The following SEPTIN12 variants were observed in gnomAD, a reference collection of about 807,000 sequenced individuals.
SEPTIN12 encodes the protein septin-12.
A neutral mutation model predicts 37.7 loss-of-function variants in SEPTIN12; 42 were observed. The observed-to-expected ratio is 1.11, with a 90% CI of 0.87 to 1.44. The LOEUF (loss-of-function observed/expected upper bound fraction) is 1.44, where lower values mean the gene tolerates loss of function less well. Ranked by LOEUF, SEPTIN12 falls within the 40% of genes most tolerant of loss-of-function variation. The pLI, the probability that SEPTIN12 is intolerant of heterozygous loss-of-function variation, is 0.00. For synonymous variants in SEPTIN12, 254 were observed against 196.7 expected, an observed-to-expected ratio of 1.29 and a Z score of -2.44; for missense variants, 613 against 479.2, an observed-to-expected ratio of 1.28 and a Z score of -2.61.
rs200229149 is a variant in SEPTIN12, at chr16:4,784,099, A to G, written c.375-31T>C. On this transcript the variant is annotated intron_variant, in intron 4 of 9. Coordinates refer to ENST00000268231, the MANE Select transcript of SEPTIN12 (RefSeq NM_144605.5). ...GCGGGAGGTGGACCCTCCCCTCAGA[A>G]CTGTGCTGTGCCCAGAGAGCCCCAC... 77 of 1,612,994 alleles carry G rather than the reference A, an allele frequency of 4.8e-5. No homozygotes were observed. The Admixed American group carries it at 5.7e-4, about 12-fold the overall frequency.
intron 4 of SEPTIN12, among the ~76,000 whole-genome samples, chr16:4,784,814 TA>T (rs1175191160): frequency 7.8e-6 from 1 of 128,732 alleles, no homozygotes. Context: ...AATAAATAAA[TA>T]AAATGAAACC....
upstream of SEPTIN12, among the ~76,000 whole-genome samples, chr16:4,789,300 C>A (rs1468547084): frequency 6.6e-6 from 1 of 152,022 alleles, no homozygotes; most frequent in Non-Finnish European, 1.5e-5. Context: ...AGCCACCATG[C>A]CTGGCCTTTT....
In SEPTIN12 at chr16:4,786,278, G is replaced by T. The variant is rs550851276; in HGVS notation, c.167-173C>A. On this transcript the variant is annotated intron_variant, in intron 2 of 9. Coordinates refer to ENST00000268231, the MANE Select transcript of SEPTIN12 (RefSeq NM_144605.5). ...AGCCTCGACCTTCCCAGACTCTAGT[G>T]ATTCTCGCACCTCGGCCTCCCTAGT... 1.5e-4 allele frequency among the ~76,000 whole-genome samples: 23 copies of T among 151,380 alleles called. No individual in the cohort carries two copies. In the East Asian group the frequency reaches 4.3e-3, roughly 28 times the overall value.
intron 9 of SEPTIN12, 29 bp from the exon 10 acceptor site, chr16:4,778,027 T>C (rs371762683): frequency 8.9e-5 from 144 of 1,612,572 alleles, no homozygotes; most frequent in Non-Finnish European, 1.1e-4. Flanking sequence ...TCAGCCCCGA[T>C]GGTGGTGTCC....
intron 7 of SEPTIN12, chr16:4,783,172 C>T: frequency 2.6e-6 from 1 of 385,676 alleles, no homozygotes; most frequent in Admixed American, 3.8e-5. Context: ...GCCTCCCAAA[C>T]TGCTGGGATT....
intron 6 of SEPTIN12, 35 bp downstream of exon 6, chr16:4,783,614 C>CCCT: frequency 6.2e-7 from 1 of 1,612,116 alleles, no homozygotes; most frequent in Non-Finnish European, 8.5e-7. Flanking sequence ...CCTCTGCCCC[C>CCCT]GCTGACCCCA....
At chr16:4,781,046 G>C (rs1034785315) in intron 7 of SEPTIN12, among the ~76,000 whole-genome samples, 1 of 152,042 alleles carries the variant, frequency 6.6e-6, no homozygotes, top group African/African-American at 2.4e-5. Flanking sequence ...GGATCACAAG[G>C]TCAGGAGATC....
At chr16:4,785,714 G>T (rs1392477607) in intron 4 of SEPTIN12, 93 bp downstream of exon 4, 2 of 879,372 alleles carry the variant, frequency 2.3e-6, no homozygotes, top group Non-Finnish European at 1.8e-6. Context: ...GGAGGTGGAG[G>T]TTGCAGTGAG....
Position 4,787,660 on chromosome 16 carries a change from C to G in SEPTIN12, c.-15G>C, listed in dbSNP as rs144370956. 2 of 1,503,302 alleles carry G rather than the reference C, an allele frequency of 1.3e-6. No homozygotes were observed. Among genetic ancestry groups the G allele is most frequent in the East Asian group, 2.3e-5 (1 of 43,732 alleles). The allele number at this position is 1,503,302 out of a possible 1,614,324, so 93.1% of individuals were successfully genotyped here. ...AGGGGGTCCATGGGGGCCAAGGGTT[C>G]GAGATGCCTGTCACCAGGTGGGTGG... On this transcript the variant is annotated 5_prime_UTR_variant, in exon 2 of 10. Transcript: ENST00000268231.
chr16:4,786,909 C>T (rs1182048519), intron 2 of SEPTIN12, among the ~76,000 whole-genome samples: 8 of 151,996 alleles, frequency 5.3e-5, no homozygotes, highest in African/African-American at 1.9e-4. Flanking sequence ...CAGTCTTGCT[C>T]TGTCACCCAG....
At chr16:4,782,949 A>G (rs898464985) in intron 7 of SEPTIN12, among the ~76,000 whole-genome samples, 3 of 149,572 alleles carry the variant, frequency 2.0e-5, no homozygotes, top group African/African-American at 7.4e-5. Context: ...CTTCTTGCCC[A>G]GGCTGGAGTG....
At chr16:4,785,021 C>G (rs150937610) in intron 4 of SEPTIN12, among the ~76,000 whole-genome samples, 2 of 151,366 alleles carry the variant, frequency 1.3e-5, no homozygotes, top group African/African-American at 4.9e-5. Flanking sequence ...CTGAGGTGGG[C>G]GGACCACCCG....
rs945413349 is a variant in SEPTIN12, at chr16:4,777,624, C to T, written c.*173G>A. On this transcript the variant is annotated 3_prime_UTR_variant, in exon 10 of 10. Coordinates refer to ENST00000268231, the MANE Select transcript of SEPTIN12 (RefSeq NM_144605.5). ...GCCTGGGTAACAGAGTGACACCCAG[C>T]CTTTTTATTTGTGGATAGCTCAAAG... The T allele has an allele frequency of 6.8e-6, 4 of 589,816 alleles. No individual in the cohort carries two copies. The African/African-American group carries it at 7.5e-5, about 11-fold the overall frequency. The allele number at this position is 589,816 out of a possible 1,614,324, so 36.5% of individuals were successfully genotyped here.
In SEPTIN12 at chr16:4,779,684, A is replaced by G. The variant is rs763006004; in HGVS notation, c.823+6T>C. 3.8e-6 allele frequency: 6 copies of G among 1,598,378 alleles called. No homozygotes were observed. The highest frequency in any genetic ancestry group is 2.2e-5 in the South Asian group (2 of 90,820). ...CCTGCATCCTACCCAGGGGCCCCGCACTGACCTTCAATGATGCCCCACTTG... is the reference window on the plus strand; with the variant it reads ...CCTGCATCCTACCCAGGGGCCCCGCGCTGACCTTCAATGATGCCCCACTTG... On this transcript the variant is annotated splice_donor_region_variant and intron_variant, in intron 8 of 9. Transcript: ENST00000268231.
At chr16:4,780,068 G>A (rs1022078094) in intron 7 of SEPTIN12, among the ~76,000 whole-genome samples, 2 of 151,754 alleles carry the variant, frequency 1.3e-5, no homozygotes, top group African/African-American at 4.8e-5. Context: ...ATGGTGAAAG[G>A]CCATCTCTGC....
upstream of SEPTIN12, among the ~76,000 whole-genome samples, chr16:4,789,395 G>T (rs1000340856): frequency 4.6e-5 from 7 of 150,760 alleles, no homozygotes; most frequent in African/African-American, 1.5e-4. Context: ...GCATGATCTC[G>T]GCTCACTGTA....
In SEPTIN12 at chr16:4,785,905, G is replaced by C. The variant is rs746645740; in HGVS notation, c.293-17C>G. On this transcript the variant is annotated splice_polypyrimidine_tract_variant and intron_variant, in intron 3 of 9. Coordinates refer to ENST00000268231, the MANE Select transcript of SEPTIN12 (RefSeq NM_144605.5). Reference sequence around the variant, plus strand: ...CCTCTATGACTGTGGAGGGAGAGCAGAGTCGGGAGAGACTGGACCCAGGTG... The same window carrying C: ...CCTCTATGACTGTGGAGGGAGAGCACAGTCGGGAGAGACTGGACCCAGGTG... 7.5e-6 allele frequency: 12 copies of C among 1,601,250 alleles called. 1 individual carries two copies. The Admixed American group carries it at 1.0e-4, about 13-fold the overall frequency.
At chr16:4,789,198 G>T (rs1263871616), upstream of SEPTIN12, among the ~76,000 whole-genome samples, 4 of 152,116 alleles carry the variant, frequency 2.6e-5, no homozygotes, top group East Asian at 7.7e-4. Context: ...TTTTAGTAGA[G>T]AAGGGGTTTC....
At chr16:4,787,352 G>T in intron 2 of SEPTIN12, 128 bp downstream of exon 2, 1 of 844,720 alleles carries the variant, frequency 1.2e-6, no homozygotes, top group Non-Finnish European at 2.0e-6. Flanking sequence ...CAACATCCCT[G>T]TGAGGTGCTA....
Sources: allele counts gnomAD v4.1 joint callset (sites outside exome capture counted in the v4.1 genomes callset), GRCh38; gene constraint gnomAD v4.1.1; transcripts MANE v1.5; gene names NCBI Gene and HGNC (gene_info 2026-07-23, HGNC 2026-07-21).